KCNIP1: variants seen among roughly 807,000 people sequenced by gnomAD.
KCNIP1 encodes the protein potassium voltage-gated channel interacting protein 1.
In KCNIP1, 18 loss-of-function variants were observed where a neutral mutation model predicts 33.0. The observed-to-expected ratio is 0.55, with a 90% CI of 0.38 to 0.81. KCNIP1 has a LOEUF of 0.81. KCNIP1 is among the 30% of genes least tolerant of loss of function. The pLI, the probability that KCNIP1 is intolerant of heterozygous loss-of-function variation, is 0.00. For synonymous variants in KCNIP1, 93 were observed against 98.3 expected (o/e 0.95, Z 0.32); for missense variants, 238 against 271.6 (o/e 0.88, Z 0.87).
chr5:170,626,074 T>C (rs533053554), intron 1 of KCNIP1, among the ~76,000 whole-genome samples: 1 of 152,240 alleles, frequency 6.6e-6, no homozygotes, highest in South Asian at 2.1e-4. Flanking sequence ...TGCAGGGCCT[T>C]GCAGGTGATG....
chr5:170,561,103 A>G (rs537666289), intron 1 of KCNIP1: 7 of 456,008 alleles, frequency 1.5e-5, no homozygotes, highest in Non-Finnish European at 3.1e-5. Flanking sequence ...ACCAAAGGGC[A>G]TCTGTAATTA....
chr5:170,508,922 C>A (rs1754824458), intron 1 of KCNIP1, among the ~76,000 whole-genome samples: 1 of 152,180 alleles, frequency 6.6e-6, no homozygotes, highest in Non-Finnish European at 1.5e-5. Flanking sequence ...CCTTTCCCCA[C>A]CACCAGAGGT....
intron 1 of KCNIP1, among the ~76,000 whole-genome samples, chr5:170,673,179 C>T (rs1384203283): frequency 2.0e-5 from 3 of 152,220 alleles, no homozygotes; most frequent in Non-Finnish European, 4.4e-5. Context: ...CGCCCAACCC[C>T]GATTAGTCTA....
At chr5:170,624,621 G>A (rs1040536397) in intron 1 of KCNIP1, among the ~76,000 whole-genome samples, 3 of 151,474 alleles carry the variant, frequency 2.0e-5, no homozygotes, top group African/African-American at 7.3e-5. Context: ...CTCACACGCA[G>A]TTTAAACGTT....
At chr5:170,399,828 A>T (rs1754853300) in intron 1 of KCNIP1, among the ~76,000 whole-genome samples, 1 of 152,168 alleles carries the variant, frequency 6.6e-6, no homozygotes, top group Admixed American at 6.5e-5. Flanking sequence ...AGGTTTTGCT[A>T]TTATAAACTA....
intron 1 of KCNIP1, among the ~76,000 whole-genome samples, chr5:170,404,364 C>G (rs1190843324): frequency 6.6e-6 from 1 of 151,832 alleles, no homozygotes; most frequent in Non-Finnish European, 1.5e-5. Flanking sequence ...TCATCATAGG[C>G]TGTTGTATTG....
intron 1 of KCNIP1, among the ~76,000 whole-genome samples, chr5:170,641,846 A>T (rs1760575983): frequency 6.6e-6 from 1 of 152,008 alleles, no homozygotes; most frequent in Non-Finnish European, 1.5e-5. Flanking sequence ...GAGTGCAGGG[A>T]GCTTCCCGGG....
intron 1 of KCNIP1, among the ~76,000 whole-genome samples, chr5:170,424,958 T>C (rs972690382): frequency 1.3e-5 from 2 of 152,150 alleles, no homozygotes; most frequent in African/African-American, 4.8e-5. Context: ...CTAAGGGCCT[T>C]TGCACATGCT....
chr5:170,609,925 T>C (rs949413203), intron 1 of KCNIP1, among the ~76,000 whole-genome samples: 1 of 151,924 alleles, frequency 6.6e-6, no homozygotes, highest in Non-Finnish European at 1.5e-5. Context: ...TTGTGACAAA[T>C]GGAAAAATGC....
intron 1 of KCNIP1, among the ~76,000 whole-genome samples, chr5:170,446,279 CAGT>C (rs1200638404): frequency 6.6e-6 from 1 of 152,160 alleles, no homozygotes; most frequent in Non-Finnish European, 1.5e-5. Context: ...TTGAGTAGTG[CAGT>C]GAGACTGGGT....
chr5:170,500,216 C>A (rs980015099), upstream of KCNIP1, among the ~76,000 whole-genome samples: 2 of 152,116 alleles, frequency 1.3e-5, no homozygotes, highest in African/African-American at 4.8e-5. Flanking sequence ...CAGGGCCCCA[C>A]CCTTATGACC....
At chr5:170,427,843 G>C (rs1642555208) in intron 1 of KCNIP1, among the ~76,000 whole-genome samples, 1 of 152,208 alleles carries the variant, frequency 6.6e-6, no homozygotes, top group Non-Finnish European at 1.5e-5. Context: ...ACTTCCTGCA[G>C]CATCTGAGTC....
chr5:170,372,672 T>G lies in KCNIP1; in HGVS notation c.88+18708T>G, dbSNP rs568160558. Among the ~76,000 whole-genome samples the G allele has an allele frequency of 2.6e-5, 4 of 152,216 alleles. No individual in the cohort carries two copies. In the South Asian group the frequency reaches 8.3e-4, roughly 32 times the overall value. On this transcript the variant is annotated intron_variant, in intron 1 of 7. Coordinates refer to the KCNIP1 transcript ENST00000377360. ...CAACAGAGAGTTCAAGCACCAAATA[T>G]AAAGTGGAGAAGCACTAGATGATCT...
In KCNIP1 at chr5:170,597,784, AATATATATATATATATATATATATATAT is replaced by A. The variant is rs10525595; in HGVS notation, c.61+93170_61+93197del. ...ACTTCTGATGCTGGAGAGAGAGATA[AATATATATATATATATATATATATATAT>A]ATATATATATATATATATGAAAGAA... On this transcript the variant is annotated intron_variant, in intron 1 of 7. Transcript: ENST00000328939. Among the ~76,000 whole-genome samples, 76 of 134,444 alleles carry A rather than the reference AATATATATATATATATATATATATATAT, an allele frequency of 5.7e-4. 1 individual carries two copies. The South Asian group carries it at 5.9e-3, about 10-fold the overall frequency. The allele number at this position is 134,444 out of a possible 152,430, so 88.2% of individuals were successfully genotyped here.
intron 1 of KCNIP1, among the ~76,000 whole-genome samples, chr5:170,477,802 A>C (rs943051806): frequency 1.3e-5 from 2 of 151,978 alleles, no homozygotes; most frequent in Non-Finnish European, 2.9e-5. Flanking sequence ...GCTGTTGCTT[A>C]CTCCTTGAAC....
chr5:170,424,484 C>T (rs1755569689), intron 1 of KCNIP1, among the ~76,000 whole-genome samples: 1 of 152,062 alleles, frequency 6.6e-6, no homozygotes, highest in Non-Finnish European at 1.5e-5. Context: ...CCCCGAGGCT[C>T]CACACACCTC....
At chr5:170,524,926 C>T (rs147691072) in intron 1 of KCNIP1, among the ~76,000 whole-genome samples, 60 of 152,316 alleles carry the variant, frequency 3.9e-4, no homozygotes, top group Middle Eastern at 3.4e-3. Context: ...AAACCCCTGA[C>T]TCTGAGAAGT....
intron 1 of KCNIP1, among the ~76,000 whole-genome samples, chr5:170,442,089 G>A (rs77360706): frequency 0.024 from 3,609 of 151,966 alleles, 79 homozygotes; most frequent in African/African-American, 0.052. Flanking sequence ...GCTTTTGTCC[G>A]TCCCAAACCT....
At chr5:170,360,571 C>A (rs1329872116) in intron 1 of KCNIP1, among the ~76,000 whole-genome samples, 1 of 152,204 alleles carries the variant, frequency 6.6e-6, no homozygotes, top group Non-Finnish European at 1.5e-5. Context: ...CAAGGCTGAG[C>A]CTCTGTGGGT....
Sources: gnomAD v4.1 joint callset for allele counts (sites outside exome capture counted in the v4.1 genomes callset) on GRCh38, gnomAD v4.1.1 for gene constraint, MANE v1.5 for transcripts, NCBI Gene and HGNC (gene_info 2026-07-23, HGNC 2026-07-21) for gene names.